The following ZNF451 variants were observed in gnomAD, a reference collection of about 807,000 sequenced individuals.
ZNF451 encodes E3 SUMO-protein ligase ZNF451.
In ZNF451, 80 loss-of-function variants were observed where a neutral mutation model predicts 107.1. The observed-to-expected ratio is 0.75, with a 90% CI of 0.62 to 0.90. The LOEUF (loss-of-function observed/expected upper bound fraction) is 0.90, where lower values mean the gene tolerates loss of function less well. Ranked by LOEUF, ZNF451 falls within the 40% of genes least tolerant of loss-of-function variation. The probability of loss-of-function intolerance (pLI) is 0.00; values close to 1 mark genes in which losing one functional copy is unlikely to be tolerated. For synonymous variants in ZNF451, 362 were observed against 406.5 expected (o/e 0.89, Z 1.32); for missense variants, 1,107 against 1,236.2 (o/e 0.90, Z 1.57).
intron 3 of ZNF451, among the ~76,000 whole-genome samples, chr6:57,112,327 C>T (rs926422722): frequency 3.9e-5 from 6 of 152,132 alleles, no homozygotes; most frequent in East Asian, 1.9e-4. Flanking sequence ...AAACCAAATG[C>T]GCTAGTCAGA....
At chr6:57,160,264 A>G (rs917300033) in intron 13 of ZNF451, among the ~76,000 whole-genome samples, 20 of 151,154 alleles carry the variant, frequency 1.3e-4, no homozygotes, top group Non-Finnish European at 2.8e-4. Context: ...GTTTTCCCCA[A>G]TGTCCTTTTT....
chr6:57,161,935 A>G (rs1430297102), intron 14 of ZNF451, among the ~76,000 whole-genome samples: 1 of 152,210 alleles, frequency 6.6e-6, no homozygotes, highest in African/African-American at 2.4e-5. Flanking sequence ...AGAACTTTTT[A>G]TGTCACTTGG....
chr6:57,109,377 T>A (rs925433282), intron 3 of ZNF451: 1 of 985,340 alleles, frequency 1.0e-6, no homozygotes, highest in Non-Finnish European at 1.2e-6. Context: ...AAGCACATGG[T>A]ATTTGAATTC....
intron 4 of ZNF451, among the ~76,000 whole-genome samples, chr6:57,128,456 A>G (rs910233377): frequency 6.6e-6 from 1 of 152,152 alleles, no homozygotes; most frequent in Admixed American, 6.6e-5. Context: ...TAATGTTTTT[A>G]ATGACGTCCA....
At chr6:57,159,448 A>G in intron 13 of ZNF451, 1 of 948,016 alleles carries the variant, frequency 1.1e-6, no homozygotes, top group Non-Finnish European at 1.3e-6. Flanking sequence ...CCTGTGGCCC[A>G]CGGGCCACAT....
intron 9 of ZNF451, among the ~76,000 whole-genome samples, chr6:57,143,027 T>C (rs1162095190): frequency 6.6e-6 from 1 of 152,166 alleles, no homozygotes; most frequent in Non-Finnish European, 1.5e-5. Flanking sequence ...TTGGATTGTT[T>C]GCCTTCTTAA....
chr6:57,104,855 G>A, intron 3 of ZNF451: 2 of 985,368 alleles, frequency 2.0e-6, no homozygotes, highest in Non-Finnish European at 2.4e-6. Flanking sequence ...AAGTGTAAAG[G>A]TATTGGGAAA....
intron 3 of ZNF451, chr6:57,103,898 C>T (rs1829723051): frequency 1.0e-6 from 1 of 985,194 alleles, no homozygotes; most frequent in Non-Finnish European, 1.2e-6. Context: ...ATCTACTTTT[C>T]TTCCTTATTT....
intron 3 of ZNF451, chr6:57,106,132 G>A (rs1593089272): frequency 1.0e-6 from 1 of 985,288 alleles, no homozygotes; most frequent in Non-Finnish European, 1.2e-6. Context: ...TAAACAAGGA[G>A]GTTGAAAAAG....
At chr6:57,143,956 G>A (rs1831920825) in intron 9 of ZNF451, among the ~76,000 whole-genome samples, 1 of 152,082 alleles carries the variant, frequency 6.6e-6, no homozygotes, top group African/African-American at 2.4e-5. Context: ...GTCACAAAAA[G>A]TCCATTTATA....
chr6:57,098,275 C>T (rs926850007), intron 2 of ZNF451, among the ~76,000 whole-genome samples: 2 of 151,610 alleles, frequency 1.3e-5, no homozygotes, highest in South Asian at 2.1e-4. Flanking sequence ...CTCAGGTGAT[C>T]CCCCACCTTG....
Position 57,147,953 on chromosome 6 carries a change from A to C in ZNF451, c.1868A>C (p.Gln623Pro), listed in dbSNP as rs780561536. Residue 623 changes from glutamine to proline, a missense_variant, in exon 10 of 15, where the codon CAG (glutamine) becomes CCG (proline). Coordinates refer to ENST00000370706, the MANE Select transcript of ZNF451 (RefSeq NM_001031623.3). ...TTTGATTCCCAGGAATATGTAAAAC[A>C]GCACTGCATGTCTTTGGCAAGCCAC... Reference protein sequence around the residue: ...DMFDSQEYVKQHCMSLASHKF... With the variant: ...DMFDSQEYVKPHCMSLASHKF... 1 of 1,614,152 alleles carries C rather than the reference A, an allele frequency of 6.2e-7. No homozygotes were observed. Among genetic ancestry groups the C allele is most frequent in the East Asian group, 2.2e-5 (1 of 44,882 alleles).
At chr6:57,167,182 TACAC>T (rs397975599) in intron 14 of ZNF451, among the ~76,000 whole-genome samples, 39 of 149,924 alleles carry the variant, frequency 2.6e-4, no homozygotes, top group East Asian at 1.8e-3. Context: ...CGTATATATA[TACAC>T]ACACACACAC....
intron 2 of ZNF451, among the ~76,000 whole-genome samples, chr6:57,092,008 G>A (rs926710229): frequency 1.1e-4 from 16 of 152,278 alleles, no homozygotes; most frequent in African/African-American, 3.1e-4. Flanking sequence ...CGGATTTGGA[G>A]TAGAGGATGG....
chr6:57,119,841 G>A (rs535261380), intron 3 of ZNF451, among the ~76,000 whole-genome samples: 2 of 152,054 alleles, frequency 1.3e-5, no homozygotes, highest in East Asian at 3.9e-4. Context: ...CTTGTAGCAG[G>A]AGAATTGTCA....
intron 3 of ZNF451, chr6:57,115,594 AT>A (rs1830330078): frequency 6.6e-6 from 1 of 152,188 alleles, no homozygotes; most frequent in Admixed American, 6.5e-5. Flanking sequence ...GTAAAGAAGT[AT>A]ATTTGAGAAT....
At chr6:57,100,889 T>C in intron 3 of ZNF451, 3 of 1,550,456 alleles carry the variant, frequency 1.9e-6, no homozygotes, top group Non-Finnish European at 2.6e-6. Flanking sequence ...CAAGAATCTT[T>C]GGCCTCTTCT....
At chr6:57,103,701 G>A in intron 3 of ZNF451, 1 of 985,250 alleles carries the variant, frequency 1.0e-6, no homozygotes, top group Non-Finnish European at 1.2e-6. Context: ...TCATCTGCTT[G>A]ATCAAGGCAT....
At chr6:57,111,211 G>A (rs529818704) in intron 3 of ZNF451, among the ~76,000 whole-genome samples, 1 of 150,312 alleles carries the variant, frequency 6.7e-6, no homozygotes, top group African/African-American at 2.4e-5. Flanking sequence ...GTGAGCCACC[G>A]TACCAGGCCC....
Sources: gnomAD v4.1 joint callset for allele counts (sites outside exome capture counted in the v4.1 genomes callset) on GRCh38, gnomAD v4.1.1 for gene constraint, MANE v1.5 for transcripts, NCBI Gene and HGNC (gene_info 2026-07-23, HGNC 2026-07-21) for gene names.